LRP1B: variants seen among roughly 807,000 people sequenced by gnomAD.
LRP1B encodes the protein LDL receptor related protein 1B.
A neutral mutation model predicts 556.6 loss-of-function variants in LRP1B; 217 were observed. The ratio of observed to expected loss-of-function variants is 0.39; its 90% CI spans 0.35 to 0.44. The LOEUF (loss-of-function observed/expected upper bound fraction) is 0.44. LRP1B is among the 20% of genes least tolerant of loss of function. LRP1B has a pLI of 1.00. For missense variants in LRP1B, 5,053 were observed against 5,620.8 expected (o/e 0.90, Z 3.23); for synonymous variants, 2,047 against 1,865.8 (o/e 1.10, Z -2.50).
At chr2:140,357,332 G>A (rs549128663) in intron 74 of LRP1B, among the ~76,000 whole-genome samples, 6 of 151,408 alleles carry the variant, frequency 4.0e-5, no homozygotes, top group African/African-American at 1.2e-4. Flanking sequence ...ATATCCTGGT[G>A]GGTATTGCTT....
chr2:140,594,167 A>G (rs1682341174), intron 43 of LRP1B, among the ~76,000 whole-genome samples: 1 of 152,022 alleles, frequency 6.6e-6, no homozygotes, highest in South Asian at 2.1e-4. Flanking sequence ...ATGGGGTTTC[A>G]CCATCTTGGT....
At chr2:141,445,001 G>T (rs889838307) in intron 3 of LRP1B, among the ~76,000 whole-genome samples, 3 of 152,162 alleles carry the variant, frequency 2.0e-5, no homozygotes, top group African/African-American at 7.2e-5. Flanking sequence ...CAGAAGGAAT[G>T]GTATCAGCTC....
At chr2:140,973,199 A>G (rs991349076) in intron 18 of LRP1B, among the ~76,000 whole-genome samples, 21 of 151,594 alleles carry the variant, frequency 1.4e-4, no homozygotes, top group African/African-American at 5.1e-4. Context: ...GTTGATTCAT[A>G]ACTATAGCTA....
In LRP1B at chr2:141,032,826, C is replaced by CATATAT. The variant is rs71391641; in HGVS notation, c.1790-12730_1790-12725dup. On this transcript the variant is annotated intron_variant, in intron 11 of 90. Transcript: ENST00000389484. ...ATGTGTGTGTGTATATATATACATA[C>CATATAT]ATATATATATATATGCAGGCATATG... Among the ~76,000 whole-genome samples, 8 of 126,616 alleles carry CATATAT rather than the reference C, an allele frequency of 6.3e-5. 1 individual carries two copies. Among genetic ancestry groups the CATATAT allele is most frequent in the African/African-American group, 1.2e-4 (4 of 32,944 alleles). The allele number at this position is 126,616 out of a possible 152,430, so 83.1% of individuals were successfully genotyped here.
In LRP1B at chr2:141,013,612, C is replaced by T. The variant is rs1300228277; in HGVS notation, c.2324G>A (p.Arg775Lys). Residue 775 changes from arginine (R) to lysine (K), a missense_variant, in exon 14 of 91, where the codon AGG becomes AAG. Transcript: ENST00000389484. ...CCCAAATAGGGGTGGTCTTTCATGC[C>T]TCAGCAATGTCACCTCACTTGTTAT... ...DLITSEVTLLRHERPPLFGLQ... is the reference protein window; with the variant it reads ...DLITSEVTLLKHERPPLFGLQ... 2.5e-6 allele frequency: 4 copies of T among 1,612,098 alleles called. No homozygotes were observed. Among genetic ancestry groups the T allele is most frequent in the Non-Finnish European group, 3.4e-6 (4 of 1,178,988 alleles).
chr2:141,485,055 C>T lies in LRP1B; in HGVS notation c.206-4522G>A, dbSNP rs139561995. Among the ~76,000 whole-genome samples, 40 of 152,170 alleles carry T rather than the reference C, an allele frequency of 2.6e-4. No individual in the cohort carries two copies. In the East Asian group the frequency reaches 7.5e-3, roughly 29 times the overall value. On this transcript the variant is annotated intron_variant, in intron 2 of 90. Transcript: ENST00000389484. ...CAGCTACTTATAAATTTTGAGAAAA[C>T]AGAAAAATATGTGTTTATTTTGCAA... is the stretch of plus-strand genomic sequence containing the variant.
chr2:141,756,964 C>G (rs13402136), intron 2 of LRP1B, among the ~76,000 whole-genome samples: 42,862 of 151,916 alleles, frequency 0.28, 6,234 homozygotes, highest in Non-Finnish European at 0.31. Context: ...TACACATATG[C>G]AAATACACAC....
intron 18 of LRP1B, among the ~76,000 whole-genome samples, chr2:140,975,003 G>A (rs540680139): frequency 6.6e-6 from 1 of 152,276 alleles, no homozygotes; most frequent in South Asian, 2.1e-4. Context: ...GAGAGTGATC[G>A]CAGGCCCAAG....
At chr2:140,884,392 C>T (rs1693571400) in intron 24 of LRP1B, among the ~76,000 whole-genome samples, 1 of 152,042 alleles carries the variant, frequency 6.6e-6, no homozygotes, top group African/African-American at 2.4e-5. Context: ...ATCAGTGCAA[C>T]TTAACTCAAA....
chr2:140,726,570 AAAG>A (rs1402685327), intron 35 of LRP1B, among the ~76,000 whole-genome samples: 2 of 152,126 alleles, frequency 1.3e-5, no homozygotes, highest in Non-Finnish European at 2.9e-5. Flanking sequence ...AAAATATATA[AAAG>A]AAGGTGACTT....
intron 1 of LRP1B, among the ~76,000 whole-genome samples, chr2:141,817,644 C>G (rs956914001): frequency 6.6e-6 from 1 of 151,986 alleles, no homozygotes; most frequent in Non-Finnish European, 1.5e-5. Flanking sequence ...GAAACTATGT[C>G]AAATACTAAA....
At chr2:140,319,480 A>G (rs1245310342) in intron 82 of LRP1B, among the ~76,000 whole-genome samples, 3 of 152,138 alleles carry the variant, frequency 2.0e-5, no homozygotes, top group Non-Finnish European at 2.9e-5. Flanking sequence ...TCGACAGTTA[A>G]AGGATCTGTT....
intron 2 of LRP1B, among the ~76,000 whole-genome samples, chr2:141,651,235 C>T (rs1461468115): frequency 6.6e-6 from 1 of 152,058 alleles, no homozygotes; most frequent in Non-Finnish European, 1.5e-5. Flanking sequence ...CATAACTCCA[C>T]AGGTTTATAT....
At position 140,951,959 on chromosome 2, in the gene LRP1B, T is replaced by A. The variant is rs1300009185; in HGVS notation, c.2888-19A>T. 1 of 1,561,648 alleles carries A rather than the reference T, an allele frequency of 6.4e-7. No individual in the cohort carries two copies. Among genetic ancestry groups the A allele is most frequent in the Admixed American group, 1.7e-5 (1 of 59,880 alleles). Reference sequence around the variant, plus strand: ...GGGAATTCTGTGAAAGATATAAAAATGTCCAAAAGGTAACATGTTATTGAC... The same window carrying A: ...GGGAATTCTGTGAAAGATATAAAAAAGTCCAAAAGGTAACATGTTATTGAC... On this transcript the variant is annotated intron_variant, in intron 18 of 90. Transcript: ENST00000389484.
chr2:140,536,055 T>C (rs1348017316), intron 46 of LRP1B, among the ~76,000 whole-genome samples: 1 of 152,096 alleles, frequency 6.6e-6, no homozygotes, highest in Non-Finnish European at 1.5e-5. Flanking sequence ...AAAATCACGA[T>C]GTTTCTGAGT....
At chr2:140,493,940 A>G (rs75344680) in intron 56 of LRP1B, among the ~76,000 whole-genome samples, 6,164 of 152,208 alleles carry the variant, frequency 0.04, 175 homozygotes, top group Non-Finnish European at 0.047. Flanking sequence ...TCAACACAGA[A>G]TTGGCTCTCG....
intron 1 of LRP1B, among the ~76,000 whole-genome samples, chr2:142,025,186 C>T (rs899823407): frequency 1.3e-5 from 2 of 152,148 alleles, no homozygotes; most frequent in African/African-American, 4.8e-5. Flanking sequence ...CCAAACATTT[C>T]CCACACTCAA....
At chr2:141,014,013 T>C (rs540445909) in intron 13 of LRP1B, among the ~76,000 whole-genome samples, 1 of 152,206 alleles carries the variant, frequency 6.6e-6, no homozygotes, top group East Asian at 1.9e-4. Flanking sequence ...TTCTTTCATC[T>C]ATGGCACGAA....
intron 18 of LRP1B, among the ~76,000 whole-genome samples, chr2:140,970,947 C>T (rs1696402182): frequency 6.6e-6 from 1 of 151,752 alleles, no homozygotes; most frequent in Non-Finnish European, 1.5e-5. Context: ...TGCCTCGTTG[C>T]CCAGGCTGGC....
Sources: allele counts gnomAD v4.1 joint callset (sites outside exome capture counted in the v4.1 genomes callset), GRCh38; gene constraint gnomAD v4.1.1; transcripts MANE v1.5; gene names NCBI Gene and HGNC (gene_info 2026-07-23, HGNC 2026-07-21).